Variants in HCN1 observed in about 807,000 individuals in gnomAD.
HCN1 encodes hyperpolarization activated cyclic nucleotide gated potassium channel 1.
A neutral mutation model predicts 78.9 loss-of-function variants in HCN1; 13 were observed. That is an observed-to-expected ratio of 0.16 (90% CI 0.11 to 0.26). HCN1 has a LOEUF of 0.26. HCN1 is among the 10% of genes least tolerant of loss of function. The pLI, the probability that HCN1 is intolerant of heterozygous loss-of-function variation, is 1.00. For synonymous variants in HCN1, 552 were observed against 455.5 expected, an observed-to-expected ratio of 1.21 and a Z score of -2.70; for missense variants, 810 against 1,154.3, an observed-to-expected ratio of 0.70 and a Z score of 4.32.
chr5:45,627,197 G>A (rs1266070547), intron 2 of HCN1, among the ~76,000 whole-genome samples: 5 of 152,088 alleles, frequency 3.3e-5, no homozygotes, highest in Non-Finnish European at 5.9e-5. Context: ...CTAGATGACA[G>A]TTTTCTTTTT....
At chr5:45,446,264 G>A (rs565489930) in intron 3 of HCN1, among the ~76,000 whole-genome samples, 114 of 152,312 alleles carry the variant, frequency 7.5e-4, no homozygotes, top group Non-Finnish European at 1.3e-3. Context: ...GAGCCAATGC[G>A]ATCAACTGGA....
chr5:45,420,284 T>C (rs768050012), intron 3 of HCN1, among the ~76,000 whole-genome samples: 4 of 152,204 alleles, frequency 2.6e-5, no homozygotes, highest in Non-Finnish European at 4.4e-5. Flanking sequence ...TCATCCTTAT[T>C]CTGCTACAGA....
At chr5:45,605,559 T>C (rs1744708896) in intron 2 of HCN1, among the ~76,000 whole-genome samples, 1 of 151,866 alleles carries the variant, frequency 6.6e-6, no homozygotes, top group Non-Finnish European at 1.5e-5. Context: ...AGTGTCAGAG[T>C]AATGTGGACA....
chr5:45,404,693 CAAAAAAAAAAAAAAAA>C (rs60728403), intron 3 of HCN1, among the ~76,000 whole-genome samples: 1,161 of 56,308 alleles, frequency 0.021, 39 homozygotes, highest in African/African-American at 0.067. Flanking sequence ...GGGCTATTTG[CAAAAAAAAAAAAAAAA>C]AAAAAAAAAA....
intron 2 of HCN1, among the ~76,000 whole-genome samples, chr5:45,582,420 G>A (rs1304774501): frequency 6.6e-6 from 1 of 152,100 alleles, no homozygotes. Context: ...GAGATTTTGG[G>A]CTGAGATGAT....
intron 5 of HCN1, among the ~76,000 whole-genome samples, 157 bp from the exon 6 acceptor site, chr5:45,303,996 G>A (rs1039095882): frequency 6.6e-5 from 10 of 151,980 alleles, no homozygotes; most frequent in African/African-American, 2.4e-4. Context: ...ATTACAGTCA[G>A]GATTATGTTT....
intron 6 of HCN1, among the ~76,000 whole-genome samples, chr5:45,285,414 G>A (rs1006290866): frequency 6.6e-6 from 1 of 151,792 alleles, no homozygotes; most frequent in Non-Finnish European, 1.5e-5. Flanking sequence ...TATTATTATA[G>A]ACGTCTCACT....
At chr5:45,490,975 A>C (rs1326312156) in intron 2 of HCN1, among the ~76,000 whole-genome samples, 1 of 151,892 alleles carries the variant, frequency 6.6e-6, no homozygotes, top group African/African-American at 2.4e-5. Context: ...TAAACCAAAA[A>C]CTTTCCCTCA....
Position 45,655,757 on chromosome 5 carries a change from G to A in HCN1, c.426-10149C>T, listed in dbSNP as rs1745753370. On this transcript the variant is annotated intron_variant, in intron 1 of 7. Transcript: ENST00000303230. ...TGTCCTTATGCCCATATAGTAGCAT[G>A]CAACTTCTAAACAGAGGAGCTATGA... Among the ~76,000 whole-genome samples the A allele has an allele frequency of 3.9e-5, 6 of 152,210 alleles. No individual in the cohort carries two copies. In the South Asian group the frequency reaches 1.2e-3, roughly 32 times the overall value.
intron 2 of HCN1, among the ~76,000 whole-genome samples, chr5:45,636,677 G>C (rs889804498): frequency 6.6e-6 from 1 of 152,016 alleles, no homozygotes; most frequent in African/African-American, 2.4e-5. Flanking sequence ...GCAAGACCCT[G>C]TCTGTACAAA....
At position 45,582,341 on chromosome 5, in the gene HCN1, G is replaced by A. The variant is rs202066202; in HGVS notation, c.849+62844C>T. 7.9e-5 allele frequency among the ~76,000 whole-genome samples: 12 copies of A among 152,120 alleles called. No individual in the cohort carries two copies. The East Asian group carries it at 2.3e-3, about 29-fold the overall frequency. ...CTGTTTGTCTGTTGTTGGTGTATAA[G>A]AATGCTTGTGATTTTTGTACATTGA... On this transcript the variant is annotated intron_variant, in intron 2 of 7. Transcript: ENST00000303230.
chr5:45,686,364 T>G (rs1037113041), intron 1 of HCN1, among the ~76,000 whole-genome samples: 2 of 152,182 alleles, frequency 1.3e-5, no homozygotes, highest in African/African-American at 4.8e-5. Context: ...AGTGTTTAGT[T>G]CATATTTCAA....
chr5:45,312,386 C>T lies in HCN1; in HGVS notation c.1378-8547G>A, dbSNP rs150575417. Among the ~76,000 whole-genome samples the T allele has an allele frequency of 2.4e-3, 371 of 152,180 alleles. 2 individuals carry two copies. Among genetic ancestry groups the T allele is most frequent in the Non-Finnish European group, 7.4e-4 (50 of 67,998 alleles). On this transcript the variant is annotated intron_variant, in intron 5 of 7. Coordinates refer to ENST00000303230, the MANE Select transcript of HCN1 (RefSeq NM_021072.4). ...TAGATATAAAAGTATTTGCTGGGGGCGGTTCCAAGATGGCCAAAGAGGAAC... is the reference window on the plus strand; with the variant it reads ...TAGATATAAAAGTATTTGCTGGGGGTGGTTCCAAGATGGCCAAAGAGGAAC...
At chr5:45,571,662 C>T (rs1743838695) in intron 2 of HCN1, among the ~76,000 whole-genome samples, 1 of 152,142 alleles carries the variant, frequency 6.6e-6, no homozygotes, top group African/African-American at 2.4e-5. Flanking sequence ...TGCCTGTAAT[C>T]CCAGCACTTT....
chr5:45,555,172 A>G (rs1185539193), intron 2 of HCN1, among the ~76,000 whole-genome samples: 1 of 151,904 alleles, frequency 6.6e-6, no homozygotes, highest in Non-Finnish European at 1.5e-5. Context: ...AAAAACTAGC[A>G]GAACTGATAA....
chr5:45,672,237 A>G (rs1746164840), intron 1 of HCN1, among the ~76,000 whole-genome samples: 1 of 151,670 alleles, frequency 6.6e-6, no homozygotes. Flanking sequence ...CTGTGCATAA[A>G]CAAAGGCTGT....
chr5:45,669,839 G>A (rs1276115673), intron 1 of HCN1, among the ~76,000 whole-genome samples: 2 of 151,818 alleles, frequency 1.3e-5, no homozygotes, highest in Admixed American at 1.3e-4. Flanking sequence ...TTAATGAAAT[G>A]GGGCTGTTAA....
chr5:45,441,012 G>T (rs1740667108), intron 3 of HCN1, among the ~76,000 whole-genome samples: 1 of 152,032 alleles, frequency 6.6e-6, no homozygotes, highest in African/African-American at 2.4e-5. Context: ...CTTCCTTCTG[G>T]ATTATTCTTT....
At position 45,373,599 on chromosome 5, in the gene HCN1, G is replaced by T. The variant is rs182015661; in HGVS notation, c.1231-20353C>A. Among the ~76,000 whole-genome samples the T allele has an allele frequency of 1.8e-4, 24 of 131,302 alleles. No individual in the cohort carries two copies. In the East Asian group the frequency reaches 2.5e-3, roughly 14 times the overall value. The allele number at this position is 131,302 out of a possible 152,430, so 86.1% of individuals were successfully genotyped here. A position where few individuals can be genotyped will look rare whatever the true frequency, so the allele number is the denominator to read the frequency against. On this transcript the variant is annotated intron_variant, in intron 4 of 7. Transcript: ENST00000303230. ...CGTCATCTATAATATATTACATACG[G>T]TATATACGTCATCTATAATATATTA... is the stretch of plus-strand genomic sequence containing the variant.
Sources: allele counts gnomAD v4.1 joint callset (sites outside exome capture counted in the v4.1 genomes callset), GRCh38; gene constraint gnomAD v4.1.1; transcripts MANE v1.5; gene names NCBI Gene and HGNC (gene_info 2026-07-23, HGNC 2026-07-21).